The following SPMAP2L variants were observed in gnomAD, a reference collection of about 807,000 sequenced individuals.
SPMAP2L encodes the protein sperm microtubule associated protein 2-like.
At chr4:56,620,447 C>T in the SPMAP2L span, among the ~76,000 whole-genome samples, 14 of 149,848 alleles carry the variant, frequency 9.3e-5, no homozygotes, top group East Asian at 3.9e-4. Flanking sequence ...AGTGCAACAG[C>T]GCGATCTCAG....
chr4:56,559,249 C>T, the SPMAP2L span: 7 of 674,182 alleles, frequency 1.0e-5, no homozygotes, highest in East Asian at 9.9e-5. Flanking sequence ...TGCAGTGAGC[C>T]GAGATCGAGC....
the SPMAP2L span, among the ~76,000 whole-genome samples, chr4:56,539,393 A>T: frequency 1.2e-4 from 18 of 152,300 alleles, no homozygotes; most frequent in South Asian, 2.9e-3. Context: ...TTCTGAGTTA[A>T]GTGGCAACAA....
chr4:56,554,389 T>C, the SPMAP2L span, among the ~76,000 whole-genome samples: 1 of 152,244 alleles, frequency 6.6e-6, no homozygotes, highest in Non-Finnish European at 1.5e-5. Context: ...AATAGGTGTG[T>C]AGTGGTATCT....
At chr4:56,619,667 T>C in the SPMAP2L span, among the ~76,000 whole-genome samples, 2 of 152,166 alleles carry the variant, frequency 1.3e-5, no homozygotes, top group African/African-American at 4.8e-5. Context: ...TGTTTCCACA[T>C]CTTCACAATA....
At chr4:56,575,764 T>A in the SPMAP2L span, 2 of 934,814 alleles carry the variant, frequency 2.1e-6, no homozygotes, top group Non-Finnish European at 3.0e-6. Context: ...TTCCAAAGCA[T>A]CAGGTAAAAA....
chr4:56,567,835 T>C, the SPMAP2L span, among the ~76,000 whole-genome samples: 40 of 152,294 alleles, frequency 2.6e-4, no homozygotes, highest in African/African-American at 9.1e-4. Flanking sequence ...GTTTTTTTCA[T>C]AATGTTTCTT....
chr4:56,551,875 C>T, the SPMAP2L span, among the ~76,000 whole-genome samples: 1 of 152,314 alleles, frequency 6.6e-6, no homozygotes, highest in East Asian at 1.9e-4. Context: ...GGATATGTGG[C>T]TTCTAGGTCC....
chr4:56,556,555 A>AT, the SPMAP2L span, among the ~76,000 whole-genome samples: 1 of 152,108 alleles, frequency 6.6e-6, no homozygotes, highest in Non-Finnish European at 1.5e-5. Context: ...CTCATTTGGG[A>AT]TTTGCCAGTA....
chr4:56,537,910 G>A, the SPMAP2L span, among the ~76,000 whole-genome samples: 2 of 152,140 alleles, frequency 1.3e-5, no homozygotes, highest in East Asian at 3.9e-4. Context: ...AGCCAGGATG[G>A]TCTTGATCTC....
the SPMAP2L span, chr4:56,531,202 G>A: frequency 8.7e-6 from 13 of 1,497,136 alleles, 1 homozygote; most frequent in African/African-American, 1.5e-4. Context: ...CCCCTCTCCT[G>A]CTTCTCCCTT....
the SPMAP2L span, among the ~76,000 whole-genome samples, chr4:56,622,907 A>G: frequency 4.6e-4 from 70 of 152,186 alleles, no homozygotes; most frequent in African/African-American, 1.6e-3. Flanking sequence ...ACAGTCTCGC[A>G]CCTTTCTGAA....
the SPMAP2L span, among the ~76,000 whole-genome samples, chr4:56,625,365 A>G: frequency 6.6e-6 from 1 of 152,198 alleles, no homozygotes; most frequent in Non-Finnish European, 1.5e-5. Context: ...TAATGCTGAA[A>G]TGAGTTAAGA....
the SPMAP2L span, chr4:56,603,294 T>C: frequency 4.6e-3 from 7,095 of 1,534,480 alleles, 217 homozygotes; most frequent in African/African-American, 0.074. Context: ...TCAAAGGATC[T>C]GGGAGTTGTC....
chr4:56,587,162 T>TA, the SPMAP2L span, among the ~76,000 whole-genome samples: 1 of 152,200 alleles, frequency 6.6e-6, no homozygotes, highest in African/African-American at 2.4e-5. Context: ...TAGCTGCCCC[T>TA]AAAATGTTTA....
chr4:56,574,549 T>TATTG, the SPMAP2L span, among the ~76,000 whole-genome samples: 2 of 152,234 alleles, frequency 1.3e-5, no homozygotes, highest in African/African-American at 4.8e-5. Context: ...AACTCAGTTA[T>TATTG]CTAGCAAAGT....
At chr4:56,593,547 T>C in the SPMAP2L span, 1 of 1,601,416 alleles carries the variant, frequency 6.2e-7, no homozygotes, top group Non-Finnish European at 8.6e-7. Context: ...ACTGACCTTT[T>C]AGCTTTGTGC....
At chr4:56,553,381 G>A in the SPMAP2L span, among the ~76,000 whole-genome samples, 2 of 151,170 alleles carry the variant, frequency 1.3e-5, no homozygotes, top group Admixed American at 1.3e-4. Flanking sequence ...TTGTGGAGAC[G>A]GGGGTTTCCC....
At chr4:56,574,294 T>G in the SPMAP2L span, among the ~76,000 whole-genome samples, 19 of 152,056 alleles carry the variant, frequency 1.2e-4, no homozygotes, top group African/African-American at 4.6e-4. Flanking sequence ...TGATGCAAAC[T>G]TGTAGTCCCC....
chr4:56,583,561 T>A, the SPMAP2L span, among the ~76,000 whole-genome samples: 1 of 152,184 alleles, frequency 6.6e-6, no homozygotes, highest in Non-Finnish European at 1.5e-5. Flanking sequence ...ATTTTCCATA[T>A]TAGGCTCGTA....
Sources: allele counts gnomAD v4.1 joint callset (sites outside exome capture counted in the v4.1 genomes callset), GRCh38; gene constraint gnomAD v4.1.1; transcripts MANE v1.5; gene names NCBI Gene and HGNC (gene_info 2026-07-23, HGNC 2026-07-21).